The following MCTP1 variants were observed in gnomAD, a reference collection of about 807,000 sequenced individuals.
MCTP1 encodes multiple C2 and transmembrane domain-containing protein 1.
A neutral mutation model predicts 120.6 loss-of-function variants in MCTP1; 69 were observed. The ratio of observed to expected loss-of-function variants is 0.57; its 90% CI spans 0.47 to 0.70. MCTP1 has a LOEUF of 0.70. MCTP1 is among the 30% of genes least tolerant of loss of function. The pLI is 0.00. For missense variants in MCTP1, 1,203 were observed against 1,248.8 expected (o/e 0.96, Z 0.55); for synonymous variants, 529 against 493.1 (o/e 1.07, Z -0.96).
chr5:95,208,421 C>A (rs1289854085), intron 1 of MCTP1, among the ~76,000 whole-genome samples: 1 of 152,132 alleles, frequency 6.6e-6, no homozygotes, highest in Non-Finnish European at 1.5e-5. Flanking sequence ...GTATTTACCA[C>A]TTCATCAAAA....
intron 1 of MCTP1, among the ~76,000 whole-genome samples, chr5:95,168,804 C>T (rs984115389): frequency 3.3e-5 from 5 of 152,158 alleles, no homozygotes; most frequent in African/African-American, 7.2e-5. Context: ...TGGGCTGAGA[C>T]AATGGGGTTT....
chr5:94,847,680 GTGTATATATA>G (rs1413249792), intron 17 of MCTP1, among the ~76,000 whole-genome samples: 17 of 108,432 alleles, frequency 1.6e-4, no homozygotes, highest in African/African-American at 5.7e-4. Flanking sequence ...GTGTGTGTGT[GTGTATATATA>G]TATATATATA....
chr5:95,149,784 G>C (rs1379463084), intron 1 of MCTP1, among the ~76,000 whole-genome samples: 4 of 152,178 alleles, frequency 2.6e-5, no homozygotes, highest in African/African-American at 9.7e-5. Flanking sequence ...AAAACTCCCA[G>C]AGGTTCTCTC....
chr5:94,853,798 A>G (rs1250915443), intron 17 of MCTP1, among the ~76,000 whole-genome samples: 1 of 151,866 alleles, frequency 6.6e-6, no homozygotes, highest in Non-Finnish European at 1.5e-5. Context: ...GAAATGAGAA[A>G]TACTCTGTCC....
At chr5:95,248,056 A>G (rs1756999000) in intron 1 of MCTP1, among the ~76,000 whole-genome samples, 1 of 152,218 alleles carries the variant, frequency 6.6e-6, no homozygotes, top group South Asian at 2.1e-4. Flanking sequence ...ACAAAACTAC[A>G]GCCAATATTA....
At chr5:94,921,410 AGT>A (rs1047926958) in intron 7 of MCTP1, among the ~76,000 whole-genome samples, 21 of 152,218 alleles carry the variant, frequency 1.4e-4, no homozygotes, top group African/African-American at 5.1e-4. Context: ...AGTTTCATTC[AGT>A]GTAAATCAGT....
intron 1 of MCTP1, among the ~76,000 whole-genome samples, chr5:95,101,921 T>A (rs1756761426): frequency 6.6e-6 from 1 of 152,212 alleles, no homozygotes; most frequent in South Asian, 2.1e-4. Flanking sequence ...TTACAAGTAA[T>A]ACTGTATTTC....
At chr5:95,201,474 T>G (rs868673867) in intron 1 of MCTP1, among the ~76,000 whole-genome samples, 1,582 of 7,462 alleles carry the variant, frequency 0.21, 17 homozygotes, top group African/African-American at 0.27. Context: ...GTTTTTTTTT[T>G]TTTTTTTTTT....
chr5:94,852,354 A>C (rs552877181), intron 17 of MCTP1, among the ~76,000 whole-genome samples: 1 of 152,040 alleles, frequency 6.6e-6, no homozygotes, highest in South Asian at 2.1e-4. Context: ...TAGGCAACAG[A>C]GATTTTAAAG....
intron 16 of MCTP1, among the ~76,000 whole-genome samples, chr5:94,868,975 TTCTA>T (rs1223057310): frequency 1.3e-5 from 2 of 151,878 alleles, no homozygotes; most frequent in African/African-American, 4.8e-5. Context: ...TCTATCTATC[TTCTA>T]TCTATCTATA....
chr5:94,963,244 T>C (rs893307594), intron 2 of MCTP1, among the ~76,000 whole-genome samples: 1 of 152,120 alleles, frequency 6.6e-6, no homozygotes, highest in Non-Finnish European at 1.5e-5. Flanking sequence ...TTGGCTATTG[T>C]GAATAATGCT....
chr5:95,210,070 C>A (rs1277646420), intron 1 of MCTP1, among the ~76,000 whole-genome samples: 2 of 152,062 alleles, frequency 1.3e-5, no homozygotes, highest in Admixed American at 6.6e-5. Flanking sequence ...TTTACATTTG[C>A]TGAGGAGGAG....
chr5:95,110,211 A>G (rs1582270021), intron 1 of MCTP1, among the ~76,000 whole-genome samples: 1 of 152,106 alleles, frequency 6.6e-6, no homozygotes, highest in East Asian at 1.9e-4. Flanking sequence ...GCCATAATAT[A>G]GATAATGTGA....
intron 1 of MCTP1, among the ~76,000 whole-genome samples, chr5:95,161,442 A>G (rs1745731469): frequency 6.6e-6 from 1 of 152,114 alleles, no homozygotes; most frequent in Non-Finnish European, 1.5e-5. Flanking sequence ...GGCTGGGGGA[A>G]GGGGGTCAAG....
intron 1 of MCTP1, among the ~76,000 whole-genome samples, chr5:95,233,625 G>A (rs1341948341): frequency 6.6e-6 from 1 of 152,048 alleles, no homozygotes; most frequent in Non-Finnish European, 1.5e-5. Flanking sequence ...CACCGCACCT[G>A]GCCCTAAATG....
At chr5:95,170,862 C>T (rs1453082983) in intron 1 of MCTP1, among the ~76,000 whole-genome samples, 1 of 152,184 alleles carries the variant, frequency 6.6e-6, no homozygotes, top group East Asian at 1.9e-4. Context: ...GGCTCTTTAT[C>T]CAATTTGCCA....
chr5:94,963,698 T>C (rs936981579), intron 2 of MCTP1, among the ~76,000 whole-genome samples: 1 of 152,170 alleles, frequency 6.6e-6, no homozygotes, highest in African/African-American at 2.4e-5. Context: ...TAGTTCCTTA[T>C]ATAGTTTAGA....
At chr5:94,973,985 T>G (rs191038994) in intron 2 of MCTP1, among the ~76,000 whole-genome samples, 364 of 152,196 alleles carry the variant, frequency 2.4e-3, no homozygotes, top group African/African-American at 8.1e-3. Context: ...GAGGGTTTAA[T>G]TACATAATAC....
chr5:94,716,755 T>A (rs1165143241), intron 19 of MCTP1, among the ~76,000 whole-genome samples: 2 of 96,252 alleles, frequency 2.1e-5, no homozygotes, highest in African/African-American at 1.1e-4. Flanking sequence ...ATATAAAAAG[T>A]TTTTTTTTTT....
Sources: allele counts gnomAD v4.1 joint callset (sites outside exome capture counted in the v4.1 genomes callset), GRCh38; gene constraint gnomAD v4.1.1; transcripts MANE v1.5; gene names NCBI Gene and HGNC (gene_info 2026-07-23, HGNC 2026-07-21).